The following PRKN variants were observed in gnomAD, a reference collection of about 807,000 sequenced individuals.
PRKN encodes E3 ubiquitin-protein ligase parkin.
PRKN carries 56 observed loss-of-function variants against 59.5 expected under a neutral mutation model. The observed-to-expected ratio is 0.94, with a 90% CI of 0.76 to 1.18. The LOEUF is 1.18. PRKN is among the 50% of genes most tolerant of loss of function. PRKN has a pLI of 0.00. For missense variants in PRKN, 657 were observed against 596.4 expected, an observed-to-expected ratio of 1.10 and a Z score of -1.06; for synonymous variants, 250 against 222.1, an observed-to-expected ratio of 1.13 and a Z score of -1.12.
chr6:161,953,077 G>A (rs1445554138), intron 6 of PRKN, among the ~76,000 whole-genome samples: 1 of 152,124 alleles, frequency 6.6e-6, no homozygotes, highest in African/African-American at 2.4e-5. Context: ...ATGGAAAAGT[G>A]CTAGCATTCC....
intron 1 of PRKN, among the ~76,000 whole-genome samples, chr6:162,663,343 C>T (rs1391666030): frequency 6.6e-6 from 1 of 151,416 alleles, no homozygotes; most frequent in African/African-American, 2.4e-5. Context: ...GATAACCTGA[C>T]CACTGTATGT....
chr6:162,443,174 G>A (rs994746722), intron 2 of PRKN, 136 bp downstream of exon 2: 2 of 821,946 alleles, frequency 2.4e-6, no homozygotes, highest in African/African-American at 3.4e-5. Flanking sequence ...ATGAAGCAGT[G>A]TGGAGTAAAG....
In PRKN at chr6:162,640,926, T is replaced by G. The variant is rs548720490; in HGVS notation, c.7+86736A>C. Among the ~76,000 whole-genome samples, 3 of 152,252 alleles carry G rather than the reference T, an allele frequency of 2.0e-5. No homozygotes were observed. In the East Asian group the frequency reaches 5.8e-4, roughly 29 times the overall value. ...AGCTCTTGCTTGATGGTAAGACTCA[T>G]GGCGAAGGTCATATTCCAGGAACAG... On this transcript the variant is annotated intron_variant, in intron 1 of 11. Transcript: ENST00000366898.
intron 7 of PRKN, among the ~76,000 whole-genome samples, chr6:161,742,329 C>A (rs748155104): frequency 6.6e-6 from 1 of 152,152 alleles, no homozygotes; most frequent in African/African-American, 2.4e-5. Context: ...ATGTAAGATG[C>A]GTCTTGCTTC....
At chr6:161,452,154 G>A (rs944318343) in intron 9 of PRKN, among the ~76,000 whole-genome samples, 3 of 151,410 alleles carry the variant, frequency 2.0e-5, no homozygotes, top group Non-Finnish European at 4.4e-5. Flanking sequence ...GTCTTTCACC[G>A]TATTGGCTAG....
At chr6:161,697,457 A>G (rs75104592) in intron 7 of PRKN, among the ~76,000 whole-genome samples, 9,146 of 152,242 alleles carry the variant, frequency 0.06, 924 homozygotes, top group African/African-American at 0.21. Flanking sequence ...CAGCCCCTGT[A>G]CAACCTGGGC....
chr6:161,735,516 T>C lies in PRKN; in HGVS notation c.871+50256A>G, dbSNP rs554006254. ...TTTTCAATGAAGAATCAACTATTAGTTGTTAAGTTTTTTGGAGAGTCAAAA... is the reference window on the plus strand; with the variant it reads ...TTTTCAATGAAGAATCAACTATTAGCTGTTAAGTTTTTTGGAGAGTCAAAA... On this transcript the variant is annotated intron_variant, in intron 7 of 11. Transcript: ENST00000366898. 2.0e-5 allele frequency among the ~76,000 whole-genome samples: 3 copies of C among 152,304 alleles called. No individual in the cohort carries two copies. In the East Asian group the frequency reaches 5.8e-4, roughly 29 times the overall value.
rs534213623 is a variant in PRKN at position 162,653,598 on chromosome 6, C to T, written c.7+74064G>A. Reference sequence around the variant, plus strand: ...GAATTTGTTTCCAGACAACCTGGGTCTGATCCTCAATTCCTTACATTCACA... The same window carrying T: ...GAATTTGTTTCCAGACAACCTGGGTTTGATCCTCAATTCCTTACATTCACA... On this transcript the variant is annotated intron_variant, in intron 1 of 11. Coordinates refer to ENST00000366898, the MANE Select transcript of PRKN (RefSeq NM_004562.3). Among the ~76,000 whole-genome samples, 76 of 152,212 alleles carry T rather than the reference C, an allele frequency of 5.0e-4. No individual in the cohort carries two copies. In the South Asian group the frequency reaches 0.01, roughly 21 times the overall value.
chr6:161,870,576 TA>T, intron 6 of PRKN, among the ~76,000 whole-genome samples: 1 of 152,212 alleles, frequency 6.6e-6, no homozygotes, highest in African/African-American at 2.4e-5. Flanking sequence ...ACTTCTCTAC[TA>T]AAAAAAATTT....
chr6:162,143,310 G>A (rs543516028), intron 4 of PRKN, among the ~76,000 whole-genome samples: 10 of 152,302 alleles, frequency 6.6e-5, no homozygotes, highest in South Asian at 2.1e-4. Context: ...TGGCTGGTAC[G>A]AGTCTTTATC....
At chr6:162,256,075 T>A (rs566175355) in intron 3 of PRKN, among the ~76,000 whole-genome samples, 1 of 152,198 alleles carries the variant, frequency 6.6e-6, no homozygotes, top group African/African-American at 2.4e-5. Context: ...TGAGGAAGAA[T>A]TGTAAGATCT....
chr6:162,531,069 A>G (rs1182096575), intron 1 of PRKN, among the ~76,000 whole-genome samples: 1 of 150,414 alleles, frequency 6.6e-6, no homozygotes, highest in East Asian at 2.0e-4. Context: ...AAAAAAAAAA[A>G]AAAAAAAAAT....
At chr6:162,176,560 A>G (rs1388475649) in intron 4 of PRKN, among the ~76,000 whole-genome samples, 1 of 151,702 alleles carries the variant, frequency 6.6e-6, no homozygotes, top group Non-Finnish European at 1.5e-5. Context: ...CACACCACAT[A>G]TGAAAGGAAA....
chr6:162,049,242 T>C (rs113749535), intron 5 of PRKN, among the ~76,000 whole-genome samples: 2,455 of 147,864 alleles, frequency 0.017, 57 homozygotes, highest in African/African-American at 0.062. Context: ...TACATGGATA[T>C]TTTGTCTAAG....
At chr6:161,524,562 C>A (rs1286916978) in intron 9 of PRKN, among the ~76,000 whole-genome samples, 2 of 152,010 alleles carry the variant, frequency 1.3e-5, no homozygotes, top group Non-Finnish European at 2.9e-5. Context: ...GCTGCCCAGG[C>A]TCAAAACTAT....
At chr6:162,280,409 A>C (rs1262513837) in intron 2 of PRKN, among the ~76,000 whole-genome samples, 1 of 152,106 alleles carries the variant, frequency 6.6e-6, no homozygotes, top group Non-Finnish European at 1.5e-5. Flanking sequence ...TATAGTACTA[A>C]ATGCCCACAT....
intron 9 of PRKN, among the ~76,000 whole-genome samples, chr6:161,472,418 A>C (rs1432048148): frequency 6.6e-6 from 1 of 152,180 alleles, no homozygotes; most frequent in East Asian, 1.9e-4. Context: ...GGATAGGATA[A>C]TATCTTCAAT....
chr6:161,903,985 G>A (rs1778034573), intron 6 of PRKN, among the ~76,000 whole-genome samples: 1 of 151,786 alleles, frequency 6.6e-6, no homozygotes, highest in Non-Finnish European at 1.5e-5. Context: ...GAAGCAGAGT[G>A]CAGACTGTCC....
chr6:161,426,659 A>AC (rs1297064821), intron 9 of PRKN, among the ~76,000 whole-genome samples: 50 of 115,810 alleles, frequency 4.3e-4, no homozygotes, highest in African/African-American at 1.6e-3. Context: ...ACACACACAC[A>AC]CACACACACA....
Sources: gnomAD v4.1 joint callset for allele counts (sites outside exome capture counted in the v4.1 genomes callset) on GRCh38, gnomAD v4.1.1 for gene constraint, MANE v1.5 for transcripts, NCBI Gene and HGNC (gene_info 2026-07-23, HGNC 2026-07-21) for gene names.